Variants in H2BC12 observed in about 807,000 individuals in gnomAD.
The protein encoded by H2BC12 is H2B clustered histone 12.
Under a neutral mutation model 6.3 loss-of-function variants are expected in H2BC12, and 6 were observed. The observed-to-expected ratio is 0.95, with a 90% CI of 0.52 to 1.87. The LOEUF (loss-of-function observed/expected upper bound fraction) is 1.87, where lower values mean the gene tolerates loss of function less well. H2BC12 is among the 40% of genes most tolerant of loss of function. The pLI is 0.01. For synonymous variants in H2BC12, 132 were observed against 78.5 expected (o/e 1.68, Z -3.60); for missense variants, 119 against 178.4 (o/e 0.67, Z 1.90).
downstream of H2BC12, chr6:27,146,270 T>A: frequency 2.3e-6 from 3 of 1,320,628 alleles, no homozygotes; most frequent in Non-Finnish European, 3.1e-6. Flanking sequence ...CATTACTCAG[T>A]GTGATAAGAT....
rs771127974 is a variant in H2BC12 at position 27,146,842 on chromosome 6, A to AT, written c.-45_-44insA. The AT allele has an allele frequency of 1.7e-5, 27 of 1,602,008 alleles. No individual in the cohort carries two copies. Among genetic ancestry groups the AT allele is most frequent in the Admixed American group, 1.2e-4 (7 of 57,980 alleles). ...GCCTGAGACGAGCAGCAGATCGAGA[A>AT]AACGGGAAGTAATGGGAGCAAGGTA... is the stretch of plus-strand genomic sequence containing the variant. On this transcript the variant is annotated 5_prime_UTR_variant, in exon 1 of 1. Transcript: ENST00000356950.
At chr6:27,140,859 CTTT>C in the H2BC12 span, among the ~76,000 whole-genome samples, 36 of 151,482 alleles carry the variant, frequency 2.4e-4, no homozygotes, top group Non-Finnish European at 4.7e-4. Flanking sequence ...TGAGTTTTAA[CTTT>C]TTGTCAGTAT....
the H2BC12 span, among the ~76,000 whole-genome samples, chr6:27,140,910 T>C: frequency 1.2e-3 from 176 of 151,642 alleles, no homozygotes; most frequent in African/African-American, 4.0e-3. Flanking sequence ...GGTTTGTTTT[T>C]AACTGTTCGT....
chr6:27,144,984 G>A (rs1207768765), downstream of H2BC12, among the ~76,000 whole-genome samples: 2 of 152,002 alleles, frequency 1.3e-5, no homozygotes, highest in African/African-American at 4.8e-5. Context: ...TAGTAGAGAC[G>A]GGGTTTCACA....
rs374079896 is a variant in H2BC12 at position 27,146,601 on chromosome 6, G to A, written c.198C>T (p.Phe66=). The A allele has an allele frequency of 1.1e-5, 17 of 1,614,142 alleles. No individual in the cohort carries two copies. Among genetic ancestry groups the A allele is most frequent in the Admixed American group, 5.0e-5 (3 of 60,004 alleles). Residue 66 remains phenylalanine, a synonymous_variant, in exon 1 of 1, where the codon TTC becomes TTT. Coordinates refer to ENST00000356950, the MANE Select transcript of H2BC12 (RefSeq NM_001312653.2). ...SSKAMGIMNS[F]VNDIFERIAG... is the part of the protein sequence containing the mutation. ...CGATGCGTTCGAAGATGTCGTTGAC[G>A]AAGGAGTTCATGATTCCCATGGCCT...
chr6:27,143,453 T>C (rs1345933271), downstream of H2BC12, among the ~76,000 whole-genome samples: 1 of 152,096 alleles, frequency 6.6e-6, no homozygotes, highest in East Asian at 1.9e-4. Context: ...AAGAAAGTAG[T>C]GACATGATAT....
rs765672161 is a variant in H2BC12, at chr6:27,146,845, C to A, written c.-47G>T. ...TGAGACGAGCAGCAGATCGAGAAAACGGGAAGTAATGGGAGCAAGGTACCA... is the reference window on the plus strand; with the variant it reads ...TGAGACGAGCAGCAGATCGAGAAAAAGGGAAGTAATGGGAGCAAGGTACCA... On this transcript the variant is annotated 5_prime_UTR_variant, in exon 1 of 1. Coordinates refer to ENST00000356950, the MANE Select transcript of H2BC12 (RefSeq NM_001312653.2). The A allele has an allele frequency of 1.2e-6, 2 of 1,600,288 alleles. No individual in the cohort carries two copies. Among genetic ancestry groups the A allele is most frequent in the Middle Eastern group, 1.7e-4 (1 of 5,878 alleles).
At chr6:27,139,326 A>G in the H2BC12 span, 41 of 1,610,954 alleles carry the variant, frequency 2.5e-5, no homozygotes, top group South Asian at 3.6e-4. Flanking sequence ...GACGCGGCAA[A>G]GGAGGTAAGG....
the H2BC12 span, chr6:27,139,395 T>A: frequency 7.4e-6 from 12 of 1,614,144 alleles, no homozygotes; most frequent in Non-Finnish European, 1.0e-5. Flanking sequence ...ACATCCAGGG[T>A]ATCACCAAGC....
rs200919564 is a variant in H2BC12, at chr6:27,146,413, C to T, written c.*5G>A. ...GTTGGGCTTTAAGACGCTTACTTGG[C>T]AAGTTTACTTAGCGCTGGTGTACTT... On this transcript the variant is annotated 3_prime_UTR_variant, in exon 1 of 1. Coordinates refer to ENST00000356950, the MANE Select transcript of H2BC12 (RefSeq NM_001312653.2). The T allele has an allele frequency of 1.2e-6, 2 of 1,614,222 alleles. No homozygotes were observed. Among genetic ancestry groups the T allele is most frequent in the Middle Eastern group, 1.6e-4 (1 of 6,062 alleles).
chr6:27,141,468 G>A (rs908874463), downstream of H2BC12, among the ~76,000 whole-genome samples: 1 of 151,904 alleles, frequency 6.6e-6, no homozygotes, highest in African/African-American at 2.4e-5. Flanking sequence ...ATTATTCCAG[G>A]AGCATAGATT....
downstream of H2BC12, among the ~76,000 whole-genome samples, chr6:27,142,879 C>T (rs753032779): frequency 1.6e-4 from 24 of 151,900 alleles, no homozygotes; most frequent in Non-Finnish European, 2.8e-4. Context: ...TTGTGATCCA[C>T]CCACCTCGGC....
At position 27,146,492 on chromosome 6, in the gene H2BC12, G is replaced by A. The variant is rs755710813; in HGVS notation, c.307C>T (p.Leu103=). ...REIQTAVRLL[L]PGELAKHAVS... is the part of the protein sequence containing the mutation. ...GCGTGCTTGGCCAACTCCCCGGGCAGCAGCAGGCGCACGGCCGTCTGGATC... is the reference window on the plus strand; with the variant it reads ...GCGTGCTTGGCCAACTCCCCGGGCAACAGCAGGCGCACGGCCGTCTGGATC... Residue 103 remains leucine (L), a synonymous_variant, in exon 1 of 1, where the codon CTG becomes TTG. Transcript: ENST00000356950. 4 of 1,614,140 alleles carry A rather than the reference G, an allele frequency of 2.5e-6. No individual in the cohort carries two copies. The highest frequency in any genetic ancestry group is 1.7e-5 in the Admixed American group (1 of 60,012).
At chr6:27,142,133 AGT>A (rs1276328246), downstream of H2BC12, among the ~76,000 whole-genome samples, 1 of 152,242 alleles carries the variant, frequency 6.6e-6, no homozygotes, top group Non-Finnish European at 1.5e-5. Flanking sequence ...ATACCATAAA[AGT>A]GTAAAATACA....
chr6:27,146,284 G>T, downstream of H2BC12: 1 of 1,433,320 alleles, frequency 7.0e-7, no homozygotes, highest in Non-Finnish European at 9.5e-7. Context: ...ATAAGATCAT[G>T]ATAATCCCTT....
At chr6:27,139,043 TATA>T in the H2BC12 span, 1 of 405,004 alleles carries the variant, frequency 2.5e-6, no homozygotes, top group Non-Finnish European at 4.4e-6. Flanking sequence ...ATGTATCTTC[TATA>T]ATGTTAACAT....
downstream of H2BC12, among the ~76,000 whole-genome samples, chr6:27,144,460 T>TCGGC (rs1491530813): frequency 4.5e-4 from 8 of 17,624 alleles, no homozygotes; most frequent in African/African-American, 3.2e-3. Context: ...AGACTCTGTC[T>TCGGC]GGGGGGGGGG....
chr6:27,139,922 T>G, the H2BC12 span: 1 of 385,714 alleles, frequency 2.6e-6, no homozygotes, highest in Non-Finnish European at 4.8e-6. Context: ...CCAAGGGGTC[T>G]GCGGTCCAAA....
At chr6:27,140,424 A>G in the H2BC12 span, among the ~76,000 whole-genome samples, 10 of 152,212 alleles carry the variant, frequency 6.6e-5, no homozygotes, top group Non-Finnish European at 1.3e-4. Context: ...TGCTCTTGAA[A>G]TATATCCGTG....
Sources: gnomAD v4.1 joint callset for allele counts (sites outside exome capture counted in the v4.1 genomes callset) on GRCh38, gnomAD v4.1.1 for gene constraint, MANE v1.5 for transcripts, NCBI Gene and HGNC (gene_info 2026-07-23, HGNC 2026-07-21) for gene names.